FAM227B: variants seen among roughly 807,000 people sequenced by gnomAD.
The protein encoded by FAM227B is family with sequence similarity 227 member B.
FAM227B carries 88 observed loss-of-function variants against 73.8 expected under a neutral mutation model. That is an observed-to-expected ratio of 1.19 (90% CI 1.00 to 1.42). The LOEUF (loss-of-function observed/expected upper bound fraction) is 1.42. Among genes scored for constraint, FAM227B ranks in the 40% most tolerant of loss-of-function variants. The pLI is 0.00. For synonymous variants in FAM227B, 210 were observed against 190.5 expected, an observed-to-expected ratio of 1.10 and a Z score of -0.84; for missense variants, 632 against 590.9, an observed-to-expected ratio of 1.07 and a Z score of -0.72.
intron 9 of FAM227B, among the ~76,000 whole-genome samples, chr15:49,559,979 G>A (rs1598237912): frequency 6.6e-6 from 1 of 151,918 alleles, no homozygotes; most frequent in Non-Finnish European, 1.5e-5. Context: ...ATACCTGAAT[G>A]TTGCAACACC....
At chr15:49,589,542 TAC>T (rs35391819) in intron 4 of FAM227B, among the ~76,000 whole-genome samples, 5,538 of 139,742 alleles carry the variant, frequency 0.04, 214 homozygotes, top group African/African-American at 0.098. Context: ...TTTATGAGAT[TAC>T]ACACACACAC....
intron 11 of FAM227B, among the ~76,000 whole-genome samples, chr15:49,418,694 G>T (rs766010540): frequency 6.6e-6 from 1 of 151,954 alleles, no homozygotes; most frequent in Admixed American, 6.6e-5. Flanking sequence ...TATGCTTAGT[G>T]CTTCGGTGAT....
chr15:49,423,671 A>T (rs545109717), intron 11 of FAM227B, among the ~76,000 whole-genome samples: 154 of 152,298 alleles, frequency 1.0e-3, no homozygotes, highest in Middle Eastern at 3.4e-3. Context: ...GATTAACCAC[A>T]AATGTAAAAG....
At chr15:49,330,012 A>G (rs1407259250) in intron 15 of FAM227B, 1 of 153,116 alleles carries the variant, frequency 6.5e-6, no homozygotes, top group Non-Finnish European at 1.5e-5. Context: ...CAGTCTTACT[A>G]TCACTGTGTG....
intron 11 of FAM227B, chr15:49,485,224 G>A (rs961449664): frequency 2.0e-5 from 3 of 152,060 alleles, no homozygotes; most frequent in Non-Finnish European, 2.9e-5. Flanking sequence ...AGTGATTGAT[G>A]ATAATACTGT....
intron 10 of FAM227B, among the ~76,000 whole-genome samples, chr15:49,537,845 T>A (rs1361073237): frequency 6.6e-6 from 1 of 152,064 alleles, no homozygotes; most frequent in Non-Finnish European, 1.5e-5. Context: ...CTCACTGATA[T>A]TTGGAAAATA....
rs745520773 is a variant in FAM227B at position 49,477,060 on chromosome 15, G to GAAAA, written c.1012+31147_1012+31150dup. On this transcript the variant is annotated intron_variant, in intron 11 of 15. Coordinates refer to ENST00000299338, the MANE Select transcript of FAM227B (RefSeq NM_152647.3). Reference sequence around the variant, plus strand: ...GGGCGACAAAGCGAGACTCTGTCTCGAAAAAAAAAAAAAAATTGAGCAGAT... The same window carrying GAAAA: ...GGGCGACAAAGCGAGACTCTGTCTCGAAAAAAAAAAAAAAAAAAATTGAGCAGAT... Among the ~76,000 whole-genome samples the GAAAA allele has an allele frequency of 5.0e-3, 655 of 130,550 alleles. 4 individuals carry two copies. The highest frequency in any genetic ancestry group is 0.011 in the African/African-American group (384 of 35,570). 85.6% of individuals were successfully genotyped at this position (130,550 alleles called of 152,430 possible).
chr15:49,558,656 T>C (rs2073969780), intron 9 of FAM227B, among the ~76,000 whole-genome samples: 2 of 152,108 alleles, frequency 1.3e-5, no homozygotes, highest in South Asian at 4.2e-4. Context: ...ACCTAAGAGT[T>C]TGGCCAGTGA....
intron 11 of FAM227B, among the ~76,000 whole-genome samples, chr15:49,436,514 T>A (rs1329679633): frequency 6.6e-6 from 1 of 151,568 alleles, no homozygotes; most frequent in Non-Finnish European, 1.5e-5. Context: ...AGTATTAAGA[T>A]AACAAAAATG....
intron 11 of FAM227B, among the ~76,000 whole-genome samples, chr15:49,478,469 T>A (rs979277278): frequency 1.4e-4 from 22 of 152,230 alleles, no homozygotes; most frequent in Admixed American, 3.9e-4. Flanking sequence ...TTAAACATAA[T>A]AAAAATATAT....
intron 3 of FAM227B, among the ~76,000 whole-genome samples, chr15:49,610,899 A>C (rs1413798387): frequency 6.6e-6 from 1 of 152,200 alleles, no homozygotes; most frequent in Non-Finnish European, 1.5e-5. Context: ...AATAAATGAG[A>C]TAAGTAAGCA....
At chr15:49,466,532 T>C (rs6493372) in intron 11 of FAM227B, among the ~76,000 whole-genome samples, 37,948 of 152,086 alleles carry the variant, frequency 0.25, 5,697 homozygotes, top group Non-Finnish European at 0.35. Context: ...TTGTTTTTAA[T>C]AGAGTATACC....
intron 11 of FAM227B, among the ~76,000 whole-genome samples, chr15:49,393,391 C>T (rs1224998401): frequency 2.0e-5 from 3 of 152,118 alleles, no homozygotes; most frequent in African/African-American, 7.2e-5. Context: ...TACCCTTTCA[C>T]TAAAATATTT....
intron 5 of FAM227B, among the ~76,000 whole-genome samples, chr15:49,582,619 G>A (rs895291574): frequency 2.6e-5 from 4 of 152,032 alleles, no homozygotes; most frequent in Admixed American, 2.6e-4. Flanking sequence ...CCCAGCACTG[G>A]GTCAAACGGA....
intron 11 of FAM227B, among the ~76,000 whole-genome samples, chr15:49,453,301 AC>A (rs2052949329): frequency 6.6e-6 from 1 of 152,108 alleles, no homozygotes; most frequent in Non-Finnish European, 1.5e-5. Context: ...ATGGGATTTC[AC>A]CATGTTACCC....
At chr15:49,446,065 A>G (rs1445405105) in intron 11 of FAM227B, among the ~76,000 whole-genome samples, 2 of 151,590 alleles carry the variant, frequency 1.3e-5, no homozygotes, top group Non-Finnish European at 3.0e-5. Context: ...GTATTTCTAA[A>G]TAACAATGTT....
At chr15:49,415,382 G>A (rs1470794812) in intron 11 of FAM227B, among the ~76,000 whole-genome samples, 1 of 152,120 alleles carries the variant, frequency 6.6e-6, no homozygotes, top group Non-Finnish European at 1.5e-5. Flanking sequence ...GCATGAAGCT[G>A]TCAAAACTAG....
intron 11 of FAM227B, among the ~76,000 whole-genome samples, chr15:49,414,920 T>C (rs1006164778): frequency 6.6e-6 from 1 of 152,196 alleles, no homozygotes; most frequent in African/African-American, 2.4e-5. Context: ...ATAAACCTCC[T>C]TTCTCATGCA....
At chr15:49,493,250 C>T (rs1364264697) in intron 11 of FAM227B, among the ~76,000 whole-genome samples, 3 of 151,914 alleles carry the variant, frequency 2.0e-5, no homozygotes, top group African/African-American at 7.2e-5. Flanking sequence ...ATGTCAATTA[C>T]CAATTGTAGA....
Sources: allele counts gnomAD v4.1 joint callset (sites outside exome capture counted in the v4.1 genomes callset), GRCh38; gene constraint gnomAD v4.1.1; transcripts MANE v1.5; gene names NCBI Gene and HGNC (gene_info 2026-07-23, HGNC 2026-07-21).